The following EXO1 variants were observed in gnomAD, a reference collection of about 807,000 sequenced individuals.
EXO1 encodes exonuclease 1.
A neutral mutation model predicts 84.5 loss-of-function variants in EXO1; 69 were observed. The ratio of observed to expected loss-of-function variants is 0.82; its 90% CI spans 0.67 to 1.00. EXO1 has a LOEUF of 1.00. EXO1 is among the 50% of genes least tolerant of loss of function. EXO1 has a pLI of 0.00. For synonymous variants in EXO1, 373 were observed against 366.1 expected (o/e 1.02, Z -0.21); for missense variants, 1,045 against 1,000.7 (o/e 1.04, Z -0.60).
At chr1:241,875,506 G>T (rs1574171250) in intron 12 of EXO1, among the ~76,000 whole-genome samples, 1 of 152,194 alleles carries the variant, frequency 6.6e-6, no homozygotes, top group Admixed American at 6.5e-5. Flanking sequence ...TCTTTTGCTA[G>T]TCACCCTTGT....
In EXO1 at chr1:241,850,162, T is replaced by TC. The variant is rs1232804136; in HGVS notation, c.-17-244dup. ...CGGGCGCGGTGGCGGGCGCCTGTAG[T>TC]CCCAGCTACTGGGAAGGCTGAGGCA... is the stretch of plus-strand genomic sequence containing the variant. On this transcript the variant is annotated intron_variant, in intron 3 of 15. Coordinates refer to ENST00000366548, the MANE Select transcript of EXO1 (RefSeq NM_130398.4). Among the ~76,000 whole-genome samples, 3 of 152,002 alleles carry TC rather than the reference T, an allele frequency of 2.0e-5. No homozygotes were observed. In the East Asian group the frequency reaches 5.8e-4, roughly 29 times the overall value.
chr1:241,859,583 GC>G (rs891244902), intron 8 of EXO1, among the ~76,000 whole-genome samples: 2 of 152,054 alleles, frequency 1.3e-5, no homozygotes, highest in Non-Finnish European at 2.9e-5. Context: ...TTAGACTTGG[GC>G]CCCATCCCTA....
At chr1:241,857,231 A>G (rs1285030198) in intron 6 of EXO1, 114 bp from the exon 7 acceptor site, 4 of 976,654 alleles carry the variant, frequency 4.1e-6, no homozygotes, top group Non-Finnish European at 6.4e-6. Flanking sequence ...TGATTTCTCA[A>G]AGTAATATTA....
At chr1:241,880,809 A>C (rs1375669109) in intron 13 of EXO1, among the ~76,000 whole-genome samples, 1 of 152,180 alleles carries the variant, frequency 6.6e-6, no homozygotes. Context: ...TTCTGTCGGT[A>C]GTTCACTGTG....
At position 241,871,906 on chromosome 1, in the gene EXO1, G is replaced by T. The variant is rs535236316; in HGVS notation, c.1268-126G>T. The T allele has an allele frequency of 4.5e-5, 29 of 640,300 alleles. No individual in the cohort carries two copies. The East Asian group carries it at 8.0e-4, about 18-fold the overall frequency. The allele number at this position is 640,300 out of a possible 1,614,324, so 39.7% of individuals were successfully genotyped here. A position where few individuals can be genotyped will look rare whatever the true frequency, so the allele number is the denominator to read the frequency against. On this transcript the variant is annotated intron_variant, in intron 11 of 15. Transcript: ENST00000366548. ...TTATCCTTATGTTTTCTTTTCTGAG[G>T]CATAGTTTTTTTTTTTTTTTTTTAA...
At chr1:241,867,137 T>C in intron 11 of EXO1, 82 bp downstream of exon 11, 1 of 911,074 alleles carries the variant, frequency 1.1e-6, no homozygotes, top group Non-Finnish European at 1.8e-6. Context: ...GTCGCGAAGA[T>C]TTTCTCCTGT....
intron 11 of EXO1, among the ~76,000 whole-genome samples, chr1:241,870,731 T>G (rs1368825738): frequency 6.6e-6 from 1 of 152,226 alleles, no homozygotes; most frequent in East Asian, 1.9e-4. Flanking sequence ...CCTGTTAATT[T>G]TTTTGTTCGA....
At chr1:241,881,209 G>A (rs982585013) in intron 13 of EXO1, among the ~76,000 whole-genome samples, 1 of 152,036 alleles carries the variant, frequency 6.6e-6, no homozygotes, top group Non-Finnish European at 1.5e-5. Flanking sequence ...TGTATTTTTA[G>A]TAGAGACAGG....
At chr1:241,868,828 A>G (rs1009630114) in intron 11 of EXO1, among the ~76,000 whole-genome samples, 1 of 152,178 alleles carries the variant, frequency 6.6e-6, no homozygotes, top group Non-Finnish European at 1.5e-5. Flanking sequence ...TTGTCAAATT[A>G]TCTTTATATT....
At chr1:241,889,437 A>G (rs1366611957) in intron 15 of EXO1, 28 bp from the exon 16 acceptor site, 22 of 1,605,044 alleles carry the variant, frequency 1.4e-5, no homozygotes, top group Non-Finnish European at 1.9e-5. Flanking sequence ...CCTTAAAAAT[A>G]CCAAATGTAT....
intron 8 of EXO1, 42 bp from the exon 9 acceptor site, chr1:241,860,475 G>A (rs1474159053): frequency 2.1e-6 from 3 of 1,417,376 alleles, no homozygotes; most frequent in Admixed American, 1.7e-5. Context: ...TATGTTCCCT[G>A]TTCTTTAGTT....
chr1:241,883,769 T>C (rs1294227158), intron 14 of EXO1, among the ~76,000 whole-genome samples: 1 of 152,154 alleles, frequency 6.6e-6, no homozygotes, highest in Non-Finnish European at 1.5e-5. Context: ...CTTTAAAATA[T>C]TCATGTACAC....
At chr1:241,879,475 G>A in intron 13 of EXO1, 132 bp downstream of exon 13, 2 of 622,322 alleles carry the variant, frequency 3.2e-6, no homozygotes, top group Non-Finnish European at 2.8e-6. Flanking sequence ...ACTCTACTGT[G>A]CAGAAAGTTC....
intron 11 of EXO1, among the ~76,000 whole-genome samples, chr1:241,868,779 T>C (rs1014906303): frequency 2.0e-5 from 3 of 152,254 alleles, no homozygotes; most frequent in African/African-American, 7.2e-5. Flanking sequence ...AAGTCTTTAA[T>C]GCTTTGTAGC....
chr1:241,848,372 G>C lies in EXO1; in HGVS notation c.-420+19G>C, dbSNP rs1387319450. ...TCGGAAGGTGAGAGGAGCGGGCTGT[G>C]CGGAGGCTAATGGGTGGGTTCCCTT... On this transcript the variant is annotated intron_variant, in intron 1 of 15. Transcript: ENST00000366548. The surrounding 1 kb of genome is among the most constrained non-coding windows in gnomAD (Gnocchi z 4.2). 6.6e-6 allele frequency: 1 copy of C among 152,396 alleles called. No individual in the cohort carries two copies. Among genetic ancestry groups the C allele is most frequent in the Non-Finnish European group, 1.5e-5 (1 of 68,206 alleles). The allele number at this position is 152,396 out of a possible 1,614,324, so 9.4% of individuals were successfully genotyped here. A position where few individuals can be genotyped will look rare whatever the true frequency, so the allele number is the denominator to read the frequency against.
rs1202731740 is a variant in EXO1, at chr1:241,879,026, T to C, written c.1792T>C (p.Ser598Pro). The C allele has an allele frequency of 1.9e-6, 3 of 1,614,218 alleles. No homozygotes were observed. The highest frequency in any genetic ancestry group is 2.5e-6 in the Non-Finnish European group (3 of 1,180,044). ...FESSKFTRTI[S>P]PPTLGTLRSC... Reference sequence around the variant, plus strand: ...GAGCAGCAAATTTACAAGGACCATTTCACCACCCACTTTGGGAACACTAAG... The same window carrying C: ...GAGCAGCAAATTTACAAGGACCATTCCACCACCCACTTTGGGAACACTAAG... Residue 598 changes from serine (S) to proline (P), a missense_variant, in exon 13 of 16, where the codon TCA (serine) becomes CCA (proline). Ser to Pro is a moderately conservative substitution (Grantham distance 74, BLOSUM62 -1). Transcript: ENST00000366548.
intron 6 of EXO1, among the ~76,000 whole-genome samples, chr1:241,857,013 C>G (rs1244888795): frequency 6.6e-6 from 1 of 152,164 alleles, no homozygotes; most frequent in African/African-American, 2.4e-5. Flanking sequence ...CACTGCCACT[C>G]CAGCCTGGGT....
At position 241,875,334 on chromosome 1, in the gene EXO1, A is replaced by G. The variant is rs571075408; in HGVS notation, c.1514+3056A>G. Among the ~76,000 whole-genome samples the G allele has an allele frequency of 4.6e-5, 7 of 152,328 alleles. No homozygotes were observed. The South Asian group carries it at 1.5e-3, about 32-fold the overall frequency. The stretch of plus-strand genomic sequence containing the variant: ...TTTCAAGTTTAATAAATCAGGCAGC[A>G]GTCAGCTTTGTCTAACCATGATGAT... On this transcript the variant is annotated intron_variant, in intron 12 of 15. Coordinates refer to ENST00000366548, the MANE Select transcript of EXO1 (RefSeq NM_130398.4).
chr1:241,884,825 G>A (rs1277551700), intron 14 of EXO1, among the ~76,000 whole-genome samples: 1 of 152,196 alleles, frequency 6.6e-6, no homozygotes, highest in Non-Finnish European at 1.5e-5. Context: ...CATATTACCT[G>A]TTAAAATAAT....
Sources: gnomAD v4.1 joint callset for allele counts (sites outside exome capture counted in the v4.1 genomes callset) on GRCh38, gnomAD v4.1.1 for gene constraint, Gnocchi (gnomAD v3.1) non-coding constraint, MANE v1.5 for transcripts, NCBI Gene and HGNC (gene_info 2026-07-23, HGNC 2026-07-21) for gene names.